Variants in DNAH9 observed in about 807,000 individuals in gnomAD.
DNAH9 encodes DNAH9 variant protein.
Under a neutral mutation model 471.6 loss-of-function variants are expected in DNAH9, and 345 were observed. The ratio of observed to expected loss-of-function variants is 0.73; its 90% CI spans 0.67 to 0.80. The LOEUF (loss-of-function observed/expected upper bound fraction) is 0.80, where lower values mean the gene tolerates loss of function less well. DNAH9 is among the 30% of genes least tolerant of loss of function. The pLI, the probability that DNAH9 is intolerant of heterozygous loss-of-function variation, is 0.00. For missense variants in DNAH9, 5,407 were observed against 5,609.2 expected, an observed-to-expected ratio of 0.96 and a Z score of 1.15; for synonymous variants, 2,093 against 2,123.6, an observed-to-expected ratio of 0.99 and a Z score of 0.40.
intron 42 of DNAH9, among the ~76,000 whole-genome samples, chr17:11,794,087 CA>C (rs1352017393): frequency 7.1e-6 from 1 of 141,770 alleles, no homozygotes; most frequent in African/African-American, 2.7e-5. Flanking sequence ...CTCTTTCGCC[CA>C]GGCTGGAGTG....
At chr17:11,649,127 C>CA (rs34813249) in intron 12 of DNAH9, among the ~76,000 whole-genome samples, 1,449 of 124,706 alleles carry the variant, frequency 0.012, 37 homozygotes, top group East Asian at 0.094. Flanking sequence ...AACTCCATCT[C>CA]AAAAAAAAAA....
chr17:11,880,051 C>A (rs1372553638), intron 53 of DNAH9, 27 bp from the exon 54 acceptor site: 7 of 1,613,002 alleles, frequency 4.3e-6, no homozygotes, highest in Non-Finnish European at 5.9e-6. Flanking sequence ...CAGTCTCATA[C>A]TCCCGGACTC....
chr17:11,648,134 A>T (rs541060703), intron 12 of DNAH9, among the ~76,000 whole-genome samples: 1 of 152,354 alleles, frequency 6.6e-6, no homozygotes, highest in Non-Finnish European at 1.5e-5. Flanking sequence ...AAAAAACTGT[A>T]TTGGTCACAC....
At chr17:11,687,306 G>A (rs1031252240) in intron 19 of DNAH9, among the ~76,000 whole-genome samples, 5 of 152,144 alleles carry the variant, frequency 3.3e-5, no homozygotes, top group African/African-American at 7.2e-5. Flanking sequence ...CAAACATAAC[G>A]AGCGTCGAAG....
chr17:11,834,323 C>T (rs1489304046), intron 48 of DNAH9, among the ~76,000 whole-genome samples: 14 of 64,234 alleles, frequency 2.2e-4, no homozygotes, highest in Admixed American at 5.0e-4. Flanking sequence ...AGTGAGACTC[C>T]GTCTCAAAAA....
Position 11,887,007 on chromosome 17 carries a change from A to C in DNAH9, c.11112+42A>C, listed in dbSNP as rs1429709630. 4 of 1,579,522 alleles carry C rather than the reference A, an allele frequency of 2.5e-6. No individual in the cohort carries two copies. In the African/African-American group the frequency reaches 5.4e-5, roughly 21 times the overall value. On this transcript the variant is annotated intron_variant, in intron 57 of 68. Coordinates refer to ENST00000262442, the MANE Select transcript of DNAH9 (RefSeq NM_001372.4). ...GTTTCTTGCCTGATTATAATAAAGC[A>C]GTGTAATATTGCCAATGCAGCTCTC...
At chr17:11,765,850 C>G (rs12451978) in intron 36 of DNAH9, among the ~76,000 whole-genome samples, 4,143 of 152,302 alleles carry the variant, frequency 0.027, 208 homozygotes, top group African/African-American at 0.095. Context: ...AATGCAGTCT[C>G]TGACCTGTGG....
At chr17:11,633,153 A>G (rs2073100049) in intron 8 of DNAH9, among the ~76,000 whole-genome samples, 1 of 152,164 alleles carries the variant, frequency 6.6e-6, no homozygotes, top group Non-Finnish European at 1.5e-5. Context: ...GGTAATACAA[A>G]GTGTATGGAG....
At chr17:11,800,831 G>T (rs1265986158) in intron 43 of DNAH9, among the ~76,000 whole-genome samples, 1 of 152,290 alleles carries the variant, frequency 6.6e-6, no homozygotes, top group African/African-American at 2.4e-5. Context: ...TAAGTGCCGG[G>T]ATCCTAACCT....
intron 49 of DNAH9, among the ~76,000 whole-genome samples, chr17:11,836,435 C>T (rs1250042170): frequency 1.3e-5 from 2 of 152,096 alleles, no homozygotes; most frequent in African/African-American, 2.4e-5. Context: ...TGTCCAAGAC[C>T]AGTAAAGTTC....
chr17:11,736,590 G>A (rs963997267), intron 28 of DNAH9, among the ~76,000 whole-genome samples: 3 of 152,150 alleles, frequency 2.0e-5, no homozygotes, highest in Non-Finnish European at 2.9e-5. Context: ...TTTGCTCTGC[G>A]GACCGCAGTT....
chr17:11,801,016 G>A (rs764301475), intron 43 of DNAH9, among the ~76,000 whole-genome samples: 58 of 152,290 alleles, frequency 3.8e-4, no homozygotes, highest in Middle Eastern at 3.4e-3. Flanking sequence ...CATTTAAAAC[G>A]ACATGTAGCT....
At chr17:11,741,556 G>A (rs1007531558) in intron 29 of DNAH9, among the ~76,000 whole-genome samples, 3 of 152,028 alleles carry the variant, frequency 2.0e-5, no homozygotes, top group African/African-American at 7.3e-5. Context: ...ACACACATTT[G>A]GAGAATGAAG....
intron 26 of DNAH9, among the ~76,000 whole-genome samples, chr17:11,718,728 G>A (rs376821111): frequency 6.6e-6 from 1 of 152,130 alleles, no homozygotes; most frequent in South Asian, 2.1e-4. Context: ...ATAAGATATA[G>A]CCCTACCTTC....
rs770157274 is a variant in DNAH9, at chr17:11,894,476, C to G, written c.11386C>G (p.Gln3796Glu). The G allele has an allele frequency of 1.2e-6, 2 of 1,614,184 alleles. No individual in the cohort carries two copies. The highest frequency in any genetic ancestry group is 3.3e-5 in the Admixed American group (2 of 60,034). ...TASPVEFLSH[Q>E]AWGAVKVLSS... ...CAGCCCCGTGGAGTTCCTCTCCCAT[C>G]AGGCGTGGGGAGCTGTCAAGGTCAG... The change falls in exon 59 of 69, where the codon CAG becomes GAG. Residue 3796 changes from glutamine (Q) to glutamate (E), a missense_variant. Physicochemically the swap from Gln to Glu is conservative, Grantham distance 29. Transcript: ENST00000262442.
intron 49 of DNAH9, among the ~76,000 whole-genome samples, chr17:11,850,638 G>A (rs1201327632): frequency 2.4e-5 from 3 of 127,202 alleles, no homozygotes; most frequent in African/African-American, 6.0e-5. Context: ...GCGACAGTGT[G>A]AGACTCCATG....
At chr17:11,869,039 C>G (rs773335555) in intron 50 of DNAH9, 95 bp from the exon 51 acceptor site, 43 of 1,473,792 alleles carry the variant, frequency 2.9e-5, no homozygotes, top group Non-Finnish European at 3.9e-5. Flanking sequence ...AGAGTGCTTC[C>G]TTCAGAACCA....
Position 11,793,564 on chromosome 17 carries a change from T to C in DNAH9, c.8123T>C (p.Leu2708Pro). The C allele has an allele frequency of 6.2e-7, 1 of 1,614,060 alleles. No individual in the cohort carries two copies. Among genetic ancestry groups the C allele is most frequent in the Non-Finnish European group, 8.5e-7 (1 of 1,179,926 alleles). Reference sequence around the variant, plus strand: ...ACATGGGATCTTATAAGGCTCTATCTGCATGAATCAAATCGAGTTTATCGG... The same window carrying C: ...ACATGGGATCTTATAAGGCTCTATCCGCATGAATCAAATCGAGTTTATCGG... The part of the protein sequence containing the change: ...KSTWDLIRLY[L>P]HESNRVYRDK... The change falls in exon 42 of 69, where the codon CTG (leucine) becomes CCG (proline). Residue 2708 changes from leucine to proline, a missense_variant. Leu to Pro is a moderately conservative substitution (Grantham distance 98). Around this residue, in one of 3 missense-constraint regions of DNAH9, gnomAD observed 4,636 missense variants for 4,900.3 expected, o/e 0.95. Coordinates refer to ENST00000262442, the MANE Select transcript of DNAH9 (RefSeq NM_001372.4).
intron 20 of DNAH9, among the ~76,000 whole-genome samples, chr17:11,692,869 A>G (rs964727100): frequency 3.9e-5 from 6 of 152,134 alleles, no homozygotes; most frequent in African/African-American, 1.2e-4. Context: ...ATACTTAAGT[A>G]TTTTATTTAT....
Sources: gnomAD v4.1 joint callset for allele counts (sites outside exome capture counted in the v4.1 genomes callset) on GRCh38, gnomAD v4.1.1 for gene constraint, gnomAD v4.1.1 regional missense constraint, MANE v1.5 for transcripts, NCBI Gene and HGNC (gene_info 2026-07-23, HGNC 2026-07-21) for gene names.